Variants in STK40 observed in about 807,000 individuals in gnomAD.
STK40 encodes the protein serine/threonine kinase 40, also known as serine/threonine-protein kinase 40.
In STK40, 13 loss-of-function variants were observed where a neutral mutation model predicts 47.9. The observed-to-expected ratio is 0.27, with a 90% CI of 0.18 to 0.43. The LOEUF (loss-of-function observed/expected upper bound fraction) is 0.43, where lower values mean the gene tolerates loss of function less well. Among genes scored for constraint, STK40 ranks in the 20% least tolerant of loss-of-function variants. The probability of loss-of-function intolerance (pLI) is 1.00; values close to 1 mark genes in which losing one functional copy is unlikely to be tolerated. For missense variants in STK40, 460 were observed against 595.1 expected, an observed-to-expected ratio of 0.77 and a Z score of 2.36; for synonymous variants, 225 against 243.2, an observed-to-expected ratio of 0.93 and a Z score of 0.69.
intron 1 of STK40, among the ~76,000 whole-genome samples, chr1:36,381,069 T>C (rs1647035822): frequency 1.3e-5 from 2 of 152,098 alleles, no homozygotes; most frequent in South Asian, 4.1e-4. Context: ...GTCCAGTTGA[T>C]TTCCCCCCAA....
At position 36,348,826 on chromosome 1, in the gene STK40, G is replaced by C. The variant is rs774526921; in HGVS notation, c.624-11C>G. 1.3e-6 allele frequency: 2 copies of C among 1,589,474 alleles called. No homozygotes were observed. The highest frequency in any genetic ancestry group is 4.6e-5 in the East Asian group (2 of 43,560). ...GTTATCCGATGTGTCCTAGGAGTGG[G>C]AGACAGAGTGAACAAACCTCAGTGT... On this transcript the variant is annotated splice_polypyrimidine_tract_variant and intron_variant, in intron 6 of 10. Coordinates refer to ENST00000373132, the MANE Select transcript of STK40 (RefSeq NM_001282547.2).
chr1:36,381,662 T>C (rs966804653), intron 1 of STK40, among the ~76,000 whole-genome samples: 2 of 152,146 alleles, frequency 1.3e-5, no homozygotes, highest in African/African-American at 2.4e-5. Context: ...TTTTCTTTTT[T>C]AATTTTTGTA....
chr1:36,348,927 T>G, intron 6 of STK40, 112 bp from the exon 7 acceptor site: 1 of 911,108 alleles, frequency 1.1e-6, no homozygotes, highest in Non-Finnish European at 1.7e-6. Context: ...CAGTAGGAGG[T>G]AGGCTTCTCG....
At chr1:36,354,203 A>G (rs1019670088) in intron 6 of STK40, among the ~76,000 whole-genome samples, 161 bp downstream of exon 6, 7 of 151,428 alleles carry the variant, frequency 4.6e-5, no homozygotes, top group Non-Finnish European at 7.3e-5. Flanking sequence ...CAAGCCCCCA[A>G]TTCCCATGTT....
At chr1:36,372,423 C>CAAAAAAAA (rs796595993) in intron 1 of STK40, among the ~76,000 whole-genome samples, 40 of 39,148 alleles carry the variant, frequency 1.0e-3, no homozygotes, top group East Asian at 1.4e-3. Flanking sequence ...GACCTTGTCT[C>CAAAAAAAA]AAAAAAAAAA....
intron 10 of STK40, 191 bp from the exon 11 acceptor site, chr1:36,342,164 C>T (rs1207865458): frequency 1.7e-6 from 1 of 604,884 alleles, no homozygotes; most frequent in African/African-American, 1.9e-5. Flanking sequence ...TCCAGCCAAC[C>T]TCAACTCCCC....
intron 1 of STK40, among the ~76,000 whole-genome samples, chr1:36,371,486 G>A (rs556705169): frequency 2.6e-5 from 4 of 151,430 alleles, no homozygotes; most frequent in Admixed American, 1.3e-4. Context: ...CCCAGGAGGC[G>A]GAGCTTGCAG....
intron 1 of STK40, among the ~76,000 whole-genome samples, chr1:36,374,926 A>G (rs751318637): frequency 4.6e-5 from 7 of 152,218 alleles, no homozygotes; most frequent in Admixed American, 1.3e-4. Context: ...TGCTTTGTGC[A>G]GTGACTCAGT....
chr1:36,368,979 C>T (rs1354424001), intron 1 of STK40, among the ~76,000 whole-genome samples: 1 of 152,158 alleles, frequency 6.6e-6, no homozygotes, highest in Non-Finnish European at 1.5e-5. Flanking sequence ...AAAATCCAGC[C>T]TGCTCGAATA....
In STK40 at chr1:36,354,292, A is replaced by G. The variant is rs1646783358; in HGVS notation, c.623+72T>C. On this transcript the variant is annotated intron_variant, in intron 6 of 10. Transcript: ENST00000373132. ...AATCCTCATGAGGACACTTCAGGGC[A>G]CTGGAGAGTTGCAATGTGTAGCCTG... The G allele has an allele frequency of 2.0e-6, 3 of 1,507,042 alleles. No homozygotes were observed. The Admixed American group carries it at 5.0e-5, about 25-fold the overall frequency. 93.4% of individuals were successfully genotyped at this position (1,507,042 alleles called of 1,614,324 possible).
chr1:36,342,545 C>T (rs545834553), intron 10 of STK40: 1 of 161,964 alleles, frequency 6.2e-6, no homozygotes, highest in African/African-American at 2.4e-5. Context: ...AAAGTCCTCT[C>T]TAACCCTGTT....
intron 5 of STK40, among the ~76,000 whole-genome samples, chr1:36,354,698 AT>A (rs1390206060): frequency 2.0e-5 from 3 of 151,738 alleles, no homozygotes; most frequent in Non-Finnish European, 4.4e-5. Context: ...AAAGTCACTC[AT>A]TTTTTCCCCT....
At chr1:36,364,841 G>A (rs1437836991) in intron 1 of STK40, among the ~76,000 whole-genome samples, 1 of 151,838 alleles carries the variant, frequency 6.6e-6, no homozygotes, top group African/African-American at 2.4e-5. Context: ...TTAAAAATAA[G>A]GTTGACTTTT....
At chr1:36,349,733 C>T (rs192258817) in intron 6 of STK40, among the ~76,000 whole-genome samples, 12 of 139,832 alleles carry the variant, frequency 8.6e-5, no homozygotes, top group African/African-American at 2.9e-4. Context: ...GGAAGTGCCC[C>T]GAGAGGACCC....
chr1:36,364,988 C>CTTTT (rs747047937), intron 1 of STK40, among the ~76,000 whole-genome samples: 10 of 126,908 alleles, frequency 7.9e-5, no homozygotes, highest in African/African-American at 1.6e-4. Flanking sequence ...GGTCCTTATT[C>CTTTT]TTTTTTTTTT....
chr1:36,349,060 C>CT (rs1301978840), intron 6 of STK40, among the ~76,000 whole-genome samples: 1 of 152,242 alleles, frequency 6.6e-6, no homozygotes, highest in Non-Finnish European at 1.5e-5. Flanking sequence ...TCCCAGGTAT[C>CT]TGAGTGTTGC....
intron 10 of STK40, chr1:36,342,871 C>T: frequency 2.7e-6 from 1 of 371,820 alleles, no homozygotes. Flanking sequence ...CTCGGCCAAG[C>T]CCTGCCCTCC....
intron 6 of STK40, among the ~76,000 whole-genome samples, chr1:36,352,646 G>C (rs1193104083): frequency 6.6e-6 from 1 of 152,178 alleles, no homozygotes; most frequent in African/African-American, 2.4e-5. Context: ...CCCCTGCAGA[G>C]CATAGCAGGG....
At chr1:36,348,121 C>T (rs1646720591) in intron 7 of STK40, among the ~76,000 whole-genome samples, 1 of 152,218 alleles carries the variant, frequency 6.6e-6, no homozygotes, top group Non-Finnish European at 1.5e-5. Context: ...TGAACACAGA[C>T]AAGGAGAGAG....
Sources: gnomAD v4.1 joint callset for allele counts (sites outside exome capture counted in the v4.1 genomes callset) on GRCh38, gnomAD v4.1.1 for gene constraint, MANE v1.5 for transcripts, NCBI Gene and HGNC (gene_info 2026-07-23, HGNC 2026-07-21) for gene names.